Variants in ZMYND8 observed in about 807,000 individuals in gnomAD.
ZMYND8 encodes MYND-type zinc finger-containing chromatin reader ZMYND8.
A neutral mutation model predicts 140.8 loss-of-function variants in ZMYND8; 37 were observed. The observed-to-expected ratio is 0.26, with a 90% CI of 0.20 to 0.35. The LOEUF (loss-of-function observed/expected upper bound fraction) is 0.35. ZMYND8 is among the 10% of genes least tolerant of loss of function. The pLI is 1.00. For missense variants in ZMYND8, 1,068 were observed against 1,570.0 expected (o/e 0.68, Z 5.40); for synonymous variants, 592 against 597.1 (o/e 0.99, Z 0.12).
intron 12 of ZMYND8, among the ~76,000 whole-genome samples, chr20:47,256,315 A>G (rs565542174): frequency 2.0e-5 from 3 of 151,818 alleles, no homozygotes; most frequent in South Asian, 4.2e-4. Context: ...CCCTGTCTCT[A>G]TATTATTTTT....
intron 12 of ZMYND8, among the ~76,000 whole-genome samples, chr20:47,251,714 G>T (rs989925993): frequency 1.4e-4 from 21 of 152,078 alleles, no homozygotes; most frequent in Admixed American, 6.6e-4. Context: ...AAGGAATGGG[G>T]AACACTAAAA....
At chr20:47,349,992 A>C in intron 1 of ZMYND8, 1 of 1,505,642 alleles carries the variant, frequency 6.6e-7, no homozygotes, top group Non-Finnish European at 8.8e-7. Context: ...AATGCTGCTG[A>C]GAGACGAGGA....
intron 15 of ZMYND8, 135 bp from the exon 16 acceptor site, chr20:47,236,651 G>T: frequency 2.2e-6 from 2 of 908,106 alleles, no homozygotes; most frequent in Non-Finnish European, 3.1e-6. Flanking sequence ...TGCTCCCCTT[G>T]ACCAAACTCT....
rs115301728 is a variant in ZMYND8, at chr20:47,221,566, C to T, written c.3257-92G>A. The T allele has an allele frequency of 2.2e-3, 3,161 of 1,459,156 alleles. 47 individuals are homozygous for T. The African/African-American group carries it at 0.039, about 18-fold the overall frequency. 90.4% of individuals were successfully genotyped at this position (1,459,156 alleles called of 1,614,324 possible). ...GAGCCCCGCCCTGCACCCAGTGGCA[C>T]CCAAGGCTCAGCCCTACCCAGGGCA... On this transcript the variant is annotated intron_variant, in intron 19 of 22. Transcript: ENST00000471951.
At chr20:47,222,023 G>A (rs1312202439) in intron 19 of ZMYND8, among the ~76,000 whole-genome samples, 2 of 152,208 alleles carry the variant, frequency 1.3e-5, no homozygotes, top group African/African-American at 4.8e-5. Context: ...TTCTGGAGAT[G>A]AAAGTATATT....
In ZMYND8 at chr20:47,238,774, G is replaced by C; in HGVS notation, c.2649C>G (p.Thr883=). The change falls in exon 15 of 23, where the codon ACC becomes ACG. Residue 883 remains threonine, a synonymous_variant. Coordinates refer to ENST00000471951, the MANE Select transcript of ZMYND8 (RefSeq NM_001281775.3). ...PQSSQGTRYQ[T]RQAVKAVQQK... ...GCTCGGTACCTTTCACAGCCTGTCT[G>C]GTCTGATATCTCGTCCCCTGGGAAG... 5 of 1,612,398 alleles carry C rather than the reference G, an allele frequency of 3.1e-6. No individual in the cohort carries two copies. Among genetic ancestry groups the C allele is most frequent in the Non-Finnish European group, 4.2e-6 (5 of 1,179,790 alleles).
intron 2 of ZMYND8, among the ~76,000 whole-genome samples, chr20:47,310,594 A>T (rs890759118): frequency 6.6e-6 from 1 of 151,954 alleles, no homozygotes; most frequent in African/African-American, 2.4e-5. Flanking sequence ...TCAAGAGTTC[A>T]AGACCAGCCT....
rs376309098 is a variant in ZMYND8 at position 47,355,546 on chromosome 20, AAC to A, written c.14+1109_14+1110del. 3,177 of 971,238 alleles carry A rather than the reference AAC, an allele frequency of 3.3e-3. 6 individuals are homozygous for A. Among genetic ancestry groups the A allele is most frequent in the Non-Finnish European group, 3.7e-3 (3,040 of 817,114 alleles). The allele number at this position is 971,238 out of a possible 1,614,324, so 60.2% of individuals were successfully genotyped here. A position where few individuals can be genotyped will look rare whatever the true frequency, so the allele number is the denominator to read the frequency against. On this transcript the variant is annotated intron_variant, in intron 1 of 22. Coordinates refer to ENST00000471951, the MANE Select transcript of ZMYND8 (RefSeq NM_001281775.3). ...CTTGATCAAAAAGGAAATTTTTTTA[AAC>A]AGTTACATGGTATTATTAAAAACAC...
chr20:47,309,834 T>C (rs1352595457), intron 3 of ZMYND8, among the ~76,000 whole-genome samples: 1 of 151,870 alleles, frequency 6.6e-6, no homozygotes, highest in Non-Finnish European at 1.5e-5. Context: ...CCTCATCTCA[T>C]CTGGGTCCCT....
chr20:47,314,362 G>A (rs2079202425), intron 2 of ZMYND8, among the ~76,000 whole-genome samples: 1 of 152,130 alleles, frequency 6.6e-6, no homozygotes, highest in Non-Finnish European at 1.5e-5. Context: ...AGCCAGGTGT[G>A]GTGGTACGCT....
Position 47,312,400 on chromosome 20 carries a change from G to A in ZMYND8, c.86-2196C>T, listed in dbSNP as rs2079006567. Among the ~76,000 whole-genome samples, 4 of 152,214 alleles carry A rather than the reference G, an allele frequency of 2.6e-5. 1 individual carries two copies. The Middle Eastern group carries it at 0.01, about 388-fold the overall frequency. On this transcript the variant is annotated intron_variant, in intron 2 of 22. Coordinates refer to ENST00000471951, the MANE Select transcript of ZMYND8 (RefSeq NM_001281775.3). The stretch of plus-strand genomic sequence containing the variant: ...GGACAATCCTGAACAAATATTCAGG[G>A]GGCTGCGTGGAGACCCAGTCATGAG...
At chr20:47,347,973 G>GC in intron 1 of ZMYND8, 47 bp from the exon 2 acceptor site, 4 of 1,585,732 alleles carry the variant, frequency 2.5e-6, no homozygotes, top group Non-Finnish European at 3.5e-6. Context: ...CTGAGAACTT[G>GC]CCCCATGGGG....
chr20:47,356,067 C>CACTG (rs1430388828), intron 1 of ZMYND8, among the ~76,000 whole-genome samples: 1 of 152,124 alleles, frequency 6.6e-6, no homozygotes, highest in Non-Finnish European at 1.5e-5. Context: ...CTCTCCTTAG[C>CACTG]ACTGCTCTGC....
intron 12 of ZMYND8, among the ~76,000 whole-genome samples, chr20:47,259,765 T>C (rs1359565043): frequency 6.6e-6 from 1 of 152,294 alleles, no homozygotes; most frequent in East Asian, 1.9e-4. Flanking sequence ...GGAGTCTTTG[T>C]TGAGTGAGGC....
At chr20:47,240,915 A>G (rs2039886697) in intron 14 of ZMYND8, among the ~76,000 whole-genome samples, 1 of 152,132 alleles carries the variant, frequency 6.6e-6, no homozygotes, top group South Asian at 2.1e-4. Context: ...GGGCTCAAGC[A>G]AGCCACTTCA....
chr20:47,216,681 C>G (rs1053942988), intron 21 of ZMYND8, among the ~76,000 whole-genome samples: 5 of 151,684 alleles, frequency 3.3e-5, no homozygotes, highest in Non-Finnish European at 7.4e-5. Context: ...GTGGTGCACA[C>G]CTATAATCCC....
intron 10 of ZMYND8, among the ~76,000 whole-genome samples, chr20:47,278,895 C>T (rs2076422548): frequency 6.6e-6 from 1 of 152,088 alleles, no homozygotes; most frequent in Non-Finnish European, 1.5e-5. Flanking sequence ...ATCAGGGTCT[C>T]CAGTGCTGTC....
At chr20:47,213,774 G>A (rs977412877) in intron 21 of ZMYND8, among the ~76,000 whole-genome samples, 5 of 152,200 alleles carry the variant, frequency 3.3e-5, no homozygotes, top group African/African-American at 9.7e-5. Flanking sequence ...AAGAGGAAGA[G>A]AAGAGTAACT....
intron 1 of ZMYND8, among the ~76,000 whole-genome samples, chr20:47,355,890 A>G (rs1006500979): frequency 5.3e-5 from 8 of 151,714 alleles, no homozygotes; most frequent in African/African-American, 1.9e-4. Context: ...AAGCCTAGAA[A>G]ACACTTTCAG....
Sources: gnomAD v4.1 joint callset for allele counts (sites outside exome capture counted in the v4.1 genomes callset) on GRCh38, gnomAD v4.1.1 for gene constraint, MANE v1.5 for transcripts, NCBI Gene and HGNC (gene_info 2026-07-23, HGNC 2026-07-21) for gene names.